ACACB: variants seen among roughly 807,000 people sequenced by gnomAD.
The protein encoded by ACACB is acetyl-CoA carboxylase 2.
A neutral mutation model predicts 278.8 loss-of-function variants in ACACB; 209 were observed. That is an observed-to-expected ratio of 0.75 (90% CI 0.67 to 0.84). ACACB has a LOEUF of 0.84. ACACB is among the 40% of genes least tolerant of loss of function. The probability of loss-of-function intolerance (pLI) is 0.00; values close to 1 mark genes in which losing one functional copy is unlikely to be tolerated. For missense variants in ACACB, 2,850 were observed against 3,269.0 expected (o/e 0.87, Z 3.13); for synonymous variants, 1,174 against 1,285.6 (o/e 0.91, Z 1.86).
At position 109,264,215 on chromosome 12, in the gene ACACB, T is replaced by C. The variant is rs79450910; in HGVS notation, c.6788-17T>C. 12,892 of 1,612,538 alleles carry C rather than the reference T, an allele frequency of 8.0e-3. 811 individuals carry two copies. In the African/African-American group the frequency reaches 0.14, roughly 18 times the overall value. On this transcript the variant is annotated splice_polypyrimidine_tract_variant and intron_variant, in intron 49 of 52. Transcript: ENST00000338432. ...ACCAGCTTCCATGGCTTGACTGGCC[T>C]TTCTGCTCACCTGCAGGGGAACCTG...
intron 1 of ACACB, among the ~76,000 whole-genome samples, chr12:109,134,203 A>G: frequency 6.6e-6 from 1 of 152,176 alleles, no homozygotes; most frequent in East Asian, 1.9e-4. Flanking sequence ...AGAACAGACA[A>G]CCGAACAAGC....
At chr12:109,239,005 C>T (rs563242229) in intron 34 of ACACB, among the ~76,000 whole-genome samples, 90 of 152,286 alleles carry the variant, frequency 5.9e-4, no homozygotes, top group African/African-American at 2.1e-3. Flanking sequence ...CCACCTCTGC[C>T]TCCCGGGTTC....
intron 1 of ACACB, among the ~76,000 whole-genome samples, chr12:109,127,597 T>TA (rs59070753): frequency 0.064 from 8,857 of 139,296 alleles, 411 homozygotes; most frequent in East Asian, 0.26. Flanking sequence ...AGAATTCGCC[T>TA]AAAAAAAAAA....
chr12:109,140,237 TC>T lies in ACACB; in HGVS notation c.653+181del, dbSNP rs1290513698. Among the ~76,000 whole-genome samples, 26 of 124,382 alleles carry T rather than the reference TC, an allele frequency of 2.1e-4. 1 individual carries two copies. The highest frequency in any genetic ancestry group is 2.9e-4 in the African/African-American group (10 of 34,566). 81.6% of individuals were successfully genotyped at this position (124,382 alleles called of 152,430 possible). ...AAGTTTCCTTCCTTCCTTCCTTCCT[TC>T]CTTCCTTCCTTCCTTCCATCCTTCC... On this transcript the variant is annotated intron_variant, in intron 2 of 52. Transcript: ENST00000338432.
At position 109,265,511 on chromosome 12, in the gene ACACB, C is replaced by T. The variant is rs771290691; in HGVS notation, c.7236C>T (p.Leu2412=). The part of the protein sequence containing the change: ...NITYLKHDSV[L]KTIRGLVEEN... ...CGTACCTGAAGCACGACTCTGTCCT[C>T]AAGACCATCCGAGGGTGAGTGGCCA... The change falls in exon 52 of 53, where the codon CTC becomes CTT. Residue 2412 remains leucine (L), a synonymous_variant. Coordinates refer to ENST00000338432, the MANE Select transcript of ACACB (RefSeq NM_001093.4). The T allele has an allele frequency of 1.8e-5, 29 of 1,613,664 alleles. No homozygotes were observed. The highest frequency in any genetic ancestry group is 1.7e-4 in the Middle Eastern group (1 of 6,044).
intron 2 of ACACB, among the ~76,000 whole-genome samples, chr12:109,152,624 T>TTTTC (rs771783908): frequency 0.1 from 10,099 of 96,920 alleles, 903 homozygotes; most frequent in East Asian, 0.24. Flanking sequence ...TGCCTGTGCC[T>TTTTC]TTTCTTTCTT....
chr12:109,220,061 C>T (rs574769531), intron 24 of ACACB, among the ~76,000 whole-genome samples: 8 of 152,182 alleles, frequency 5.3e-5, no homozygotes, highest in Admixed American at 2.0e-4. Context: ...TTTTGCTGTT[C>T]GTTCTTCTGT....
At chr12:109,124,091 A>G (rs1284926589) in intron 1 of ACACB, among the ~76,000 whole-genome samples, 2 of 151,916 alleles carry the variant, frequency 1.3e-5, no homozygotes, top group Non-Finnish European at 2.9e-5. Context: ...TTTTTAAACC[A>G]TTGCCATAAT....
chr12:109,242,358 AT>A, intron 36 of ACACB, 78 bp from the exon 37 acceptor site: 1 of 1,501,370 alleles, frequency 6.7e-7, no homozygotes, highest in Non-Finnish European at 9.1e-7. Context: ...CTGCATTTTC[AT>A]TGAGGACTGG....
At chr12:109,259,921 C>A in intron 47 of ACACB, 1 of 492,086 alleles carries the variant, frequency 2.0e-6, no homozygotes, top group Non-Finnish European at 3.7e-6. Flanking sequence ...GGTGACATCA[C>A]TGAGCCTCAG....
At chr12:109,135,808 C>CTTTTTTTT (rs59597788) in intron 1 of ACACB, among the ~76,000 whole-genome samples, 1 of 117,272 alleles carries the variant, frequency 8.5e-6, no homozygotes. Flanking sequence ...AGAGGTAATA[C>CTTTTTTTT]TTTTTTTTTT....
At position 109,193,734 on chromosome 12, in the gene ACACB, A is replaced by C. The variant is rs2044982786; in HGVS notation, c.2481+5A>C. ...GGTGTTAAGTACATTCTCAAGGTAA[A>C]TGCCCCCGTGCCTCTCCGATGTCTC... On this transcript the variant is annotated splice_donor_5th_base_variant and intron_variant, in intron 16 of 52. Transcript: ENST00000338432. 6.2e-7 allele frequency: 1 copy of C among 1,610,090 alleles called. No homozygotes were observed. The highest frequency in any genetic ancestry group is 8.5e-7 in the Non-Finnish European group (1 of 1,176,578).
At chr12:109,215,922 A>G (rs1048204091) in intron 22 of ACACB, among the ~76,000 whole-genome samples, 1 of 150,984 alleles carries the variant, frequency 6.6e-6, no homozygotes, top group Non-Finnish European at 1.5e-5. Flanking sequence ...TCAGCCTCCT[A>G]TGTAGCTAGG....
intron 17 of ACACB, among the ~76,000 whole-genome samples, chr12:109,198,038 C>T (rs957947611): frequency 3.7e-4 from 57 of 152,156 alleles, no homozygotes; most frequent in African/African-American, 7.9e-4. Flanking sequence ...GCTGGGACTA[C>T]GGGCATGTGC....
intron 39 of ACACB, among the ~76,000 whole-genome samples, chr12:109,246,941 G>T (rs986275203): frequency 3.3e-5 from 5 of 152,136 alleles, no homozygotes; most frequent in African/African-American, 1.2e-4. Flanking sequence ...GAGCATGATG[G>T]TGCCTGCCTG....
intron 19 of ACACB, 113 bp from the exon 20 acceptor site, chr12:109,206,597 C>T: frequency 8.2e-7 from 1 of 1,212,342 alleles, no homozygotes; most frequent in Non-Finnish European, 1.2e-6. Context: ...CCTCAGACCT[C>T]ATCCTCACTT....
At chr12:109,152,640 C>CTTTTT (rs34863094) in intron 2 of ACACB, among the ~76,000 whole-genome samples, 873 of 74,724 alleles carry the variant, frequency 0.012, 10 homozygotes, top group Non-Finnish European at 0.017. Context: ...TTCTTTCTTT[C>CTTTTT]TTTTTTTTTT....
At position 109,246,245 on chromosome 12, in the gene ACACB, G is replaced by A. The variant is rs1381125002; in HGVS notation, c.5368G>A (p.Val1790Ile). The A allele has an allele frequency of 9.9e-6, 16 of 1,613,666 alleles. No homozygotes were observed. The highest frequency in any genetic ancestry group is 1.1e-5 in the South Asian group (1 of 91,022). The change falls in exon 39 of 53, where the codon GTC becomes ATC. Residue 1790 changes from valine to isoleucine, a missense_variant. By Grantham distance (29) the Val-to-Ile change is conservative. Transcript: ENST00000338432. ...QEYPEGRDVIVIGNDITFRIG... is the reference protein window; with the variant it reads ...QEYPEGRDVIIIGNDITFRIG... Reference sequence around the variant, plus strand: ...GTACCCGGAAGGACGGGATGTGATCGTCATCGGCAATGACATCACCTTTCG... The same window carrying A: ...GTACCCGGAAGGACGGGATGTGATCATCATCGGCAATGACATCACCTTTCG...
At chr12:109,219,230 T>A (rs1472215812) in intron 24 of ACACB, among the ~76,000 whole-genome samples, 1 of 152,164 alleles carries the variant, frequency 6.6e-6, no homozygotes, top group African/African-American at 2.4e-5. Context: ...AAAACTTTAT[T>A]TACAAAAACA....
Sources: gnomAD v4.1 joint callset for allele counts (sites outside exome capture counted in the v4.1 genomes callset) on GRCh38, gnomAD v4.1.1 for gene constraint, MANE v1.5 for transcripts, NCBI Gene and HGNC (gene_info 2026-07-23, HGNC 2026-07-21) for gene names.